Variants in XIST observed in about 807,000 individuals in gnomAD.
The protein encoded by XIST is X inactive specific transcript (non-protein coding).
intron 2 of XIST, among the ~76,000 whole-genome samples, chrX:73,836,831 A>T (rs916108121): frequency 8.9e-6 from 1 of 111,755 alleles, no homozygotes; most frequent in African/African-American, 3.2e-5. Flanking sequence ...GAAAGTGCTC[A>T]AACAAAAAAC....
At chrX:73,849,036 C>T in exon 1 of XIST, 1 of 558,868 alleles carries the variant, frequency 1.8e-6, no homozygotes, top group Non-Finnish European at 3.2e-6. Flanking sequence ...TTGCAAAGGC[C>T]ATAGTGTAAC....
chrX:73,828,067 G>A (rs1309563410), intron 5 of XIST: 2 of 439,515 alleles, frequency 4.6e-6, no homozygotes, highest in Admixed American at 4.1e-5. Context: ...GGGCACAAGA[G>A]GCATGAAAAG....
exon 1 of XIST, chrX:73,843,258 G>C (rs1922644819): frequency 5.4e-6 from 3 of 558,688 alleles, no homozygotes; most frequent in Non-Finnish European, 9.7e-6. Flanking sequence ...ATATATAATT[G>C]CAAATATTCA....
exon 1 of XIST, chrX:73,851,338 G>A: frequency 1.8e-6 from 1 of 559,139 alleles, no homozygotes; most frequent in Non-Finnish European, 3.2e-6. Context: ...AAGACAAAGA[G>A]GCCCGCCATG....
exon 1 of XIST, chrX:73,842,526 C>T (rs1365797630): frequency 3.6e-6 from 2 of 556,476 alleles, no homozygotes; most frequent in Non-Finnish European, 6.5e-6. Flanking sequence ...GGCTTATCCA[C>T]CTAGTTCAGG....
chrX:73,846,095 G>A, exon 1 of XIST: 3 of 558,096 alleles, frequency 5.4e-6, no homozygotes, highest in Admixed American at 4.4e-5. Context: ...GGAAGGGAAA[G>A]GAAGATTGGG....
chrX:73,823,793 A>G lies in XIST; in HGVS notation n.16108T>C, dbSNP rs750078291. ...AGTCCATTTGTCCCATGTTTTCATC[A>G]CTGAATAAACTTGTTAAATGACTTT... On this transcript the variant is annotated non_coding_transcript_exon_variant, in exon 6 of 6. Transcript: ENST00000429829. The G allele has an allele frequency of 7.2e-6, 4 of 557,393 alleles. No individual in the cohort carries two copies. In the Admixed American group the frequency reaches 8.9e-5, roughly 12 times the overall value. 45.9% of individuals were successfully genotyped at this position (557,393 alleles called of 1,213,427 possible).
exon 1 of XIST, chrX:73,852,560 A>G (rs1922979287): frequency 2.0e-6 from 1 of 503,940 alleles, no homozygotes. Context: ...GAGAAAGTAT[A>G]GAATTTAAAA....
chrX:73,845,012 G>A (rs751878680), exon 1 of XIST: 48 of 554,082 alleles, frequency 8.7e-5, no homozygotes, highest in Non-Finnish European at 1.5e-4. Flanking sequence ...TAACAGGCCA[G>A]GAAGAGGGGC....
chrX:73,826,470 G>A (rs1922255428), exon 6 of XIST: 1 of 558,851 alleles, frequency 1.8e-6, no homozygotes, highest in Non-Finnish European at 3.2e-6. Context: ...ATAGGTAAAA[G>A]CTGTGATTTA....
At chrX:73,852,693 G>A (rs1261489570) in exon 1 of XIST, 1 of 450,252 alleles carries the variant, frequency 2.2e-6, no homozygotes, top group East Asian at 3.7e-5. Context: ...GAAGCTTCCA[G>A]CCCCGAGAGA....
exon 6 of XIST, chrX:73,824,844 A>G (rs945268584): frequency 9.0e-6 from 5 of 558,281 alleles, no homozygotes; most frequent in African/African-American, 2.2e-5. Context: ...GATTGTTTAA[A>G]ATTAAGCAAT....
exon 1 of XIST, chrX:73,844,500 A>G (rs764899929): frequency 7.7e-5 from 43 of 556,491 alleles, no homozygotes; most frequent in Non-Finnish European, 1.2e-4. Context: ...TTATTCAAAT[A>G]GGATAAGCCA....
At chrX:73,849,991 C>A (rs1289145257) in exon 1 of XIST, 1 of 555,444 alleles carries the variant, frequency 1.8e-6, no homozygotes, top group Non-Finnish European at 3.2e-6. Flanking sequence ...TTGAAATACT[C>A]CAATATAATA....
intron 3 of XIST, among the ~76,000 whole-genome samples, chrX:73,832,944 T>C (rs1922413997): frequency 9.0e-6 from 1 of 111,571 alleles, no homozygotes; most frequent in African/African-American, 3.3e-5. Context: ...GTGCAGTGGC[T>C]AATGATGGCT....
exon 6 of XIST, chrX:73,821,228 A>G (rs746164306): frequency 1.1e-5 from 6 of 556,442 alleles, no homozygotes; most frequent in African/African-American, 4.4e-5. Flanking sequence ...GATTATCTTC[A>G]ACCTTGCTCC....
intron 2 of XIST, among the ~76,000 whole-genome samples, chrX:73,835,675 C>G (rs1922471019): frequency 9.0e-6 from 1 of 111,528 alleles, no homozygotes; most frequent in Admixed American, 9.5e-5. Context: ...TTTTCTTTTA[C>G]AGAAAACGTT....
At chrX:73,833,152 C>T in intron 3 of XIST, 1 of 491,633 alleles carries the variant, frequency 2.0e-6, no homozygotes, top group Non-Finnish European at 3.6e-6. Flanking sequence ...GCCACCATGC[C>T]CAGCTGTGTT....
At chrX:73,824,680 C>CTTTATAA in exon 6 of XIST, 1 of 557,965 alleles carries the variant, frequency 1.8e-6, no homozygotes, top group Non-Finnish European at 3.2e-6. Context: ...TTTACAAGTG[C>CTTTATAA]TTTATAATTT....
Sources: allele counts gnomAD v4.1 joint callset (sites outside exome capture counted in the v4.1 genomes callset), GRCh38; gene constraint gnomAD v4.1.1; transcripts MANE v1.5; gene names NCBI Gene and HGNC (gene_info 2026-07-23, HGNC 2026-07-21).